ETS1: variants seen among roughly 807,000 people sequenced by gnomAD.
The protein encoded by ETS1 is protein C-ets-1.
ETS1 carries 15 observed loss-of-function variants against 58.6 expected under a neutral mutation model. That is an observed-to-expected ratio of 0.26 (90% CI 0.17 to 0.39). The LOEUF (loss-of-function observed/expected upper bound fraction) is 0.39. ETS1 is among the 10% of genes least tolerant of loss of function. The pLI is 1.00. For missense variants in ETS1, 417 were observed against 610.5 expected, an observed-to-expected ratio of 0.68 and a Z score of 3.34; for synonymous variants, 214 against 218.2, an observed-to-expected ratio of 0.98 and a Z score of 0.17.
At chr11:128,503,865 T>C (rs925710214) in intron 3 of ETS1, among the ~76,000 whole-genome samples, 1 of 152,160 alleles carries the variant, frequency 6.6e-6, no homozygotes, top group Non-Finnish European at 1.5e-5. Flanking sequence ...CTGAGCATGT[T>C]GGTAAGCACA....
At chr11:128,545,299 T>C (rs1864117306) in intron 3 of ETS1, among the ~76,000 whole-genome samples, 1 of 152,118 alleles carries the variant, frequency 6.6e-6, no homozygotes, top group Admixed American at 6.6e-5. Context: ...GCTGGGAAAG[T>C]TTATCGATTC....
At chr11:128,522,284 G>C in intron 3 of ETS1, 1 of 1,115,834 alleles carries the variant, frequency 9.0e-7, no homozygotes, top group Non-Finnish European at 1.1e-6. Context: ...CTCTCCGCCG[G>C]CGGCTGCCTC....
intron 2 of ETS1, among the ~76,000 whole-genome samples, chr11:128,564,722 G>A (rs1378709548): frequency 6.6e-6 from 1 of 152,092 alleles, no homozygotes; most frequent in African/African-American, 2.4e-5. Flanking sequence ...GTTTCAAGTT[G>A]CCCCTCGCTT....
intron 8 of ETS1, among the ~76,000 whole-genome samples, chr11:128,465,338 G>A (rs1195624570): frequency 1.3e-5 from 2 of 152,186 alleles, no homozygotes; most frequent in African/African-American, 4.8e-5. Flanking sequence ...ACAGCCCAGA[G>A]GGCCGCACTG....
In ETS1 at chr11:128,480,097, C is replaced by T. The variant is rs1002283773; in HGVS notation, c.1123+94G>A. On this transcript the variant is annotated intron_variant, in intron 8 of 9. Transcript: ENST00000392668. The stretch of plus-strand genomic sequence containing the variant: ...CCGTGCCCTGCAAAAGGGAGTCTCT[C>T]GTCGTCTCTGGTCAGAGGTGCAGAG... 6.6e-6 allele frequency: 10 copies of T among 1,514,564 alleles called. No individual in the cohort carries two copies. In the African/African-American group the frequency reaches 9.6e-5, roughly 15 times the overall value. 93.8% of individuals were successfully genotyped at this position (1,514,564 alleles called of 1,614,324 possible).
intron 2 of ETS1, among the ~76,000 whole-genome samples, chr11:128,566,409 C>A (rs945004368): frequency 6.6e-6 from 1 of 152,168 alleles, no homozygotes; most frequent in African/African-American, 2.4e-5. Flanking sequence ...TTCCACGTAC[C>A]TTATACCATG....
chr11:128,460,819 G>A lies in ETS1; in HGVS notation c.*1542C>T, dbSNP rs1445995823. ...CTTCCTTAGTTTCCTTTGCCTTCAAGTCATTCCTCTCTTCTGGAATTAACC... is the reference window on the plus strand; with the variant it reads ...CTTCCTTAGTTTCCTTTGCCTTCAAATCATTCCTCTCTTCTGGAATTAACC... On this transcript the variant is annotated 3_prime_UTR_variant, in exon 10 of 10. Coordinates refer to ENST00000392668, the MANE Select transcript of ETS1 (RefSeq NM_001143820.2). 6.6e-6 allele frequency: 1 copy of A among 152,294 alleles called. No homozygotes were observed. Among genetic ancestry groups the A allele is most frequent in the Non-Finnish European group, 1.5e-5 (1 of 68,056 alleles). 9.4% of individuals were successfully genotyped at this position (152,294 alleles called of 1,614,324 possible). A position where few individuals can be genotyped will look rare whatever the true frequency, so the allele number is the denominator to read the frequency against.
At chr11:128,519,029 C>A (rs1225223850) in intron 3 of ETS1, among the ~76,000 whole-genome samples, 2 of 152,144 alleles carry the variant, frequency 1.3e-5, no homozygotes, top group Non-Finnish European at 2.9e-5. Flanking sequence ...ACAGCAGGCT[C>A]CACCAGGAGA....
intron 2 of ETS1, 100 bp from the exon 3 acceptor site, chr11:128,556,535 A>T (rs368927072): frequency 1.3e-6 from 1 of 758,496 alleles, no homozygotes; most frequent in Admixed American, 3.2e-5. Flanking sequence ...CATGTAAGTA[A>T]GAATCATCTA....
At chr11:128,559,005 A>G (rs556527907) in intron 2 of ETS1, among the ~76,000 whole-genome samples, 1 of 152,328 alleles carries the variant, frequency 6.6e-6, no homozygotes, top group East Asian at 1.9e-4. Context: ...TTGATTCTAA[A>G]TGCTGTGAAG....
At chr11:128,503,577 C>T (rs1328158034) in intron 3 of ETS1, among the ~76,000 whole-genome samples, 1 of 152,188 alleles carries the variant, frequency 6.6e-6, no homozygotes, top group Non-Finnish European at 1.5e-5. Flanking sequence ...CATTGGACCA[C>T]CTAAAATAGA....
intron 1 of ETS1, 83 bp from the exon 2 acceptor site, chr11:128,573,227 G>A: frequency 1.0e-6 from 1 of 985,072 alleles, no homozygotes. Flanking sequence ...ACGAACCTTA[G>A]AACTAAAAGT....
rs554709897 is a variant in ETS1, at chr11:128,523,034, C to T, written c.215-32458G>A. ...CCGTAAGCTTCCAATTTACCTCCAG[C>T]AGTGGTTGGGTTGAAGGGGAAGTTA... On this transcript the variant is annotated intron_variant, in intron 3 of 9. Coordinates refer to ENST00000392668, the MANE Select transcript of ETS1 (RefSeq NM_001143820.2). 2.1e-4 allele frequency among the ~76,000 whole-genome samples: 32 copies of T among 152,326 alleles called. 1 individual carries two copies. The South Asian group carries it at 6.4e-3, about 31-fold the overall frequency.
intron 3 of ETS1, among the ~76,000 whole-genome samples, chr11:128,498,258 A>T (rs1001595220): frequency 6.6e-5 from 10 of 152,252 alleles, no homozygotes; most frequent in Non-Finnish European, 1.3e-4. Context: ...AGACTTAAAA[A>T]AAAAGATTTT....
At chr11:128,489,511 A>G in intron 4 of ETS1, 21 bp from the exon 5 acceptor site, 1 of 1,607,966 alleles carries the variant, frequency 6.2e-7, no homozygotes, top group Admixed American at 1.7e-5. Context: ...AGATCAGATG[A>G]AGATCCAGCA....
At chr11:128,561,174 A>G (rs1186350535) in intron 2 of ETS1, among the ~76,000 whole-genome samples, 1 of 152,136 alleles carries the variant, frequency 6.6e-6, no homozygotes, top group Non-Finnish European at 1.5e-5. Context: ...AGGGCAGGGT[A>G]AGACCACAGT....
chr11:128,477,340 G>A (rs556694744), intron 8 of ETS1, among the ~76,000 whole-genome samples: 1 of 152,186 alleles, frequency 6.6e-6, no homozygotes, highest in South Asian at 2.1e-4. Flanking sequence ...GCAATAAAAT[G>A]TATTGCCAAC....
At chr11:128,569,318 C>CTTTTTTTTTTTTCTTTTTTTTTTTTT (rs1864575984) in intron 2 of ETS1, among the ~76,000 whole-genome samples, 1 of 39,462 alleles carries the variant, frequency 2.5e-5, no homozygotes. Context: ...AGAGTTTCTT[C>CTTTTTTTTTTTTCTTTTTTTTTTTTT]TTTTTTTTTT....
chr11:128,535,858 G>C (rs1863965698), intron 3 of ETS1, among the ~76,000 whole-genome samples: 1 of 152,206 alleles, frequency 6.6e-6, no homozygotes, highest in South Asian at 2.1e-4. Context: ...AAGATTCCAT[G>C]ATCTTGTAGT....
Sources: gnomAD v4.1 joint callset for allele counts (sites outside exome capture counted in the v4.1 genomes callset) on GRCh38, gnomAD v4.1.1 for gene constraint, MANE v1.5 for transcripts, NCBI Gene and HGNC (gene_info 2026-07-23, HGNC 2026-07-21) for gene names.